CCSER1: variants seen among roughly 807,000 people sequenced by gnomAD.
The protein encoded by CCSER1 is coiled-coil serine rich protein 1.
A neutral mutation model predicts 82.0 loss-of-function variants in CCSER1; 41 were observed. The observed-to-expected ratio is 0.50, with a 90% CI of 0.39 to 0.65. The LOEUF (loss-of-function observed/expected upper bound fraction) is 0.65, where lower values mean the gene tolerates loss of function less well. CCSER1 is among the 30% of genes least tolerant of loss of function. The pLI, the probability that CCSER1 is intolerant of heterozygous loss-of-function variation, is 0.00. For missense variants in CCSER1, 1,119 were observed against 1,064.2 expected, an observed-to-expected ratio of 1.05 and a Z score of -0.72; for synonymous variants, 414 against 383.9, an observed-to-expected ratio of 1.08 and a Z score of -0.92.
intron 10 of CCSER1, among the ~76,000 whole-genome samples, chr4:91,585,998 A>G (rs1763972311): frequency 6.6e-6 from 1 of 151,690 alleles, no homozygotes; most frequent in Non-Finnish European, 1.5e-5. Flanking sequence ...TGGATAAAGT[A>G]GTACAAGATA....
chr4:90,526,301 A>G (rs1440633964), intron 5 of CCSER1, among the ~76,000 whole-genome samples: 2 of 152,166 alleles, frequency 1.3e-5, no homozygotes, highest in Admixed American at 6.5e-5. Context: ...CAAGTTTTCG[A>G]ATCATAACTC....
At chr4:91,056,097 T>C (rs1743420656) in intron 9 of CCSER1, among the ~76,000 whole-genome samples, 1 of 152,144 alleles carries the variant, frequency 6.6e-6, no homozygotes, top group African/African-American at 2.4e-5. Context: ...GTAGTTTTCC[T>C]GAAATTCTTC....
At chr4:91,563,388 G>A (rs1385180553) in intron 10 of CCSER1, among the ~76,000 whole-genome samples, 2 of 151,646 alleles carry the variant, frequency 1.3e-5, no homozygotes, top group African/African-American at 4.8e-5. Context: ...ATCAATAAAT[G>A]TAATCTACCC....
intron 1 of CCSER1, among the ~76,000 whole-genome samples, chr4:90,166,637 C>G (rs1201468175): frequency 6.6e-6 from 1 of 151,938 alleles, no homozygotes; most frequent in Non-Finnish European, 1.5e-5. Flanking sequence ...AGCCTTCTTT[C>G]TGTGGTTTTG....
chr4:90,758,189 G>A (rs527966490), intron 7 of CCSER1, among the ~76,000 whole-genome samples: 32 of 152,150 alleles, frequency 2.1e-4, no homozygotes, highest in Admixed American at 1.9e-3. Context: ...CGCCTGCGTC[G>A]GCCTCCCAAA....
chr4:90,890,060 G>A (rs1443313948), intron 8 of CCSER1, among the ~76,000 whole-genome samples: 1 of 151,890 alleles, frequency 6.6e-6, no homozygotes, highest in Non-Finnish European at 1.5e-5. Context: ...AATCTTTCTA[G>A]ATTTTAAAAA....
At chr4:91,016,643 A>G (rs1739457229) in intron 9 of CCSER1, among the ~76,000 whole-genome samples, 1 of 152,126 alleles carries the variant, frequency 6.6e-6, no homozygotes, top group Non-Finnish European at 1.5e-5. Flanking sequence ...ACACATATAT[A>G]TGCATTGTTA....
Position 91,472,301 on chromosome 4 carries a change from A to G in CCSER1, c.2218-126271A>G, listed in dbSNP as rs79099771. Among the ~76,000 whole-genome samples the G allele has an allele frequency of 9.2e-5, 14 of 152,328 alleles. No individual in the cohort carries two copies. In the East Asian group the frequency reaches 2.7e-3, roughly 29 times the overall value. On this transcript the variant is annotated intron_variant, in intron 10 of 10. Transcript: ENST00000509176. ...CCAAGACAGTTGTAAAACAATTAAA[A>G]TTGTCACTAAAATGTCTTGGCTGGA...
Position 91,599,294 on chromosome 4 carries a change from G to T in CCSER1, c.*237G>T, listed in dbSNP as rs2110363136. 2.4e-6 allele frequency: 1 copy of T among 409,990 alleles called. No individual in the cohort carries two copies. Among genetic ancestry groups the T allele is most frequent in the African/African-American group, 2.0e-5 (1 of 49,474 alleles). 25.4% of individuals were successfully genotyped at this position (409,990 alleles called of 1,614,324 possible). ...ATTGCCTTGAAGACTTTACTATATA[G>T]GTGTATAATAAATGGGACCATCATG... On this transcript the variant is annotated 3_prime_UTR_variant, in exon 11 of 11. Coordinates refer to ENST00000509176, the MANE Select transcript of CCSER1 (RefSeq NM_001145065.2).
chr4:91,556,240 T>G (rs927809068), intron 10 of CCSER1, among the ~76,000 whole-genome samples: 1 of 151,014 alleles, frequency 6.6e-6, no homozygotes. Context: ...TACTTTAGCT[T>G]TAAAGTTATG....
At chr4:90,824,192 T>G (rs1410273218) in intron 8 of CCSER1, among the ~76,000 whole-genome samples, 1 of 152,070 alleles carries the variant, frequency 6.6e-6, no homozygotes, top group African/African-American at 2.4e-5. Flanking sequence ...GTGTTCTCAC[T>G]CAAAGCAAAT....
At chr4:90,851,008 T>C (rs1445823409) in intron 8 of CCSER1, among the ~76,000 whole-genome samples, 1 of 152,160 alleles carries the variant, frequency 6.6e-6, no homozygotes, top group Non-Finnish European at 1.5e-5. Flanking sequence ...CTTCTCAGGT[T>C]GGTGAGTTCT....
intron 10 of CCSER1, among the ~76,000 whole-genome samples, chr4:91,106,232 A>C (rs1725604211): frequency 6.6e-6 from 1 of 152,228 alleles, no homozygotes; most frequent in African/African-American, 2.4e-5. Flanking sequence ...ATTCTCCAGT[A>C]AACTTTAGAA....
At chr4:91,148,073 G>A (rs532008469) in intron 10 of CCSER1, among the ~76,000 whole-genome samples, 1 of 151,978 alleles carries the variant, frequency 6.6e-6, no homozygotes, top group East Asian at 1.9e-4. Flanking sequence ...GACTAGAGTA[G>A]TAACATGGAA....
chr4:90,585,968 A>G (rs1292981362), intron 5 of CCSER1, among the ~76,000 whole-genome samples: 1 of 152,202 alleles, frequency 6.6e-6, no homozygotes, highest in African/African-American at 2.4e-5. Context: ...CAACTGAAAA[A>G]TAGGTGAAAT....
intron 10 of CCSER1, among the ~76,000 whole-genome samples, chr4:91,585,042 C>T (rs1201403281): frequency 6.6e-6 from 1 of 151,334 alleles, no homozygotes; most frequent in African/African-American, 2.4e-5. Context: ...TTTAATTGAC[C>T]TTCATTTGAT....
At chr4:90,813,909 G>A (rs1758660050) in intron 7 of CCSER1, among the ~76,000 whole-genome samples, 1 of 152,114 alleles carries the variant, frequency 6.6e-6, no homozygotes, top group African/African-American at 2.4e-5. Context: ...TGCCCCAGTG[G>A]GGATTCTGTG....
chr4:90,443,366 C>A (rs1760176538), intron 4 of CCSER1, among the ~76,000 whole-genome samples: 1 of 152,012 alleles, frequency 6.6e-6, no homozygotes, highest in Admixed American at 6.6e-5. Context: ...CTACCACAGT[C>A]AGTTAGGTAA....
intron 5 of CCSER1, among the ~76,000 whole-genome samples, chr4:90,484,626 C>A (rs1038235746): frequency 6.6e-6 from 1 of 152,296 alleles, no homozygotes; most frequent in South Asian, 2.1e-4. Flanking sequence ...TTGGAGTTTA[C>A]TGGAGGTCCA....
Sources: allele counts gnomAD v4.1 joint callset (sites outside exome capture counted in the v4.1 genomes callset), GRCh38; gene constraint gnomAD v4.1.1; transcripts MANE v1.5; gene names NCBI Gene and HGNC (gene_info 2026-07-23, HGNC 2026-07-21).